The following SCO2 variants were observed in gnomAD, a reference collection of about 807,000 sequenced individuals.
SCO2 encodes the protein cytochrome c oxidase assembly factor SCO2.
For missense variants in SCO2, 429 were observed against 348.7 expected (o/e 1.23, Z -1.83); for synonymous variants, 195 against 148.6 (o/e 1.31, Z -2.27).
At chr22:50,526,366 G>T, upstream of SCO2, 1 of 1,543,572 alleles carries the variant, frequency 6.5e-7, no homozygotes, top group Admixed American at 1.9e-5. Context: ...TGCGCCGCCA[G>T]CATCCGCTCG....
At chr22:50,526,375 C>T, upstream of SCO2, 3 of 1,537,724 alleles carry the variant, frequency 2.0e-6, no homozygotes, top group Non-Finnish European at 2.6e-6. Flanking sequence ...AGCATCCGCT[C>T]GAAGCGGCCA....
In SCO2 at chr22:50,523,615, G is replaced by C; in HGVS notation, c.797C>G (p.Ser266Cys). Residue 266 changes from serine (S) to cysteine (C), a missense_variant, in exon 2 of 2, where the codon TCT becomes TGT. Physicochemically the swap from Ser to Cys is moderately radical, Grantham distance 112. Transcript: ENST00000395693. ...TGGGGCCCAGACTGCAGTGGCTCAAGACAGGACACTGCGGAAAGCCGCCAT... is the reference window on the plus strand; with the variant it reads ...TGGGGCCCAGACTGCAGTGGCTCAACACAGGACACTGCGGAAAGCCGCCAT... Reference protein sequence around the residue: ...RHMAAFRSVLS With the variant: ...RHMAAFRSVLC The C allele has an allele frequency of 1.9e-6, 3 of 1,613,286 alleles. No homozygotes were observed.
At chr22:50,526,048 C>T (rs1331363227), upstream of SCO2, 2 of 1,482,124 alleles carry the variant, frequency 1.3e-6, no homozygotes, top group Non-Finnish European at 8.9e-7. Flanking sequence ...TGCGCCCACC[C>T]CCAGGCGGAG....
chr22:50,523,844 C>T lies in SCO2; in HGVS notation c.568G>A (p.Gly190Ser). ...ACCTGTTTGGTGGAGCCGGTCAGAC[C>T]CAACAGTCTTGGGTGGAAGTCCTGG... ...YVQDFHPRLLGLTGSTKQVAQ... is the reference protein window; with the variant it reads ...YVQDFHPRLLSLTGSTKQVAQ... The change falls in exon 2 of 2, where the codon GGT becomes AGT. Residue 190 changes from glycine (G) to serine (S), a missense_variant. Coordinates refer to ENST00000395693, the MANE Select transcript of SCO2 (RefSeq NM_005138.3). 6.2e-7 allele frequency: 1 copy of T among 1,614,026 alleles called. No individual in the cohort carries two copies. Among genetic ancestry groups the T allele is most frequent in the Non-Finnish European group, 8.5e-7 (1 of 1,180,022 alleles).
chr22:50,524,475 G>T lies in SCO2; in HGVS notation c.-13-51C>A, dbSNP rs986790123. ...GCCAGAAGGGAAGGCCCAGGACAGT[G>T]CCTGGGCTGCCCCTGCGACTTGAGA... On this transcript the variant is annotated intron_variant, in intron 1 of 1. Transcript: ENST00000395693. 1.0e-5 allele frequency: 16 copies of T among 1,525,956 alleles called. No homozygotes were observed. The African/African-American group carries it at 1.9e-4, about 18-fold the overall frequency. The allele number at this position is 1,525,956 out of a possible 1,614,324, so 94.5% of individuals were successfully genotyped here.
Position 50,523,831 on chromosome 22 carries a change from G to A in SCO2, c.581C>T (p.Ser194Phe). 6.2e-7 allele frequency: 1 copy of A among 1,614,060 alleles called. No homozygotes were observed. The change falls in exon 2 of 2, where the codon TCC becomes TTC. Residue 194 changes from serine to phenylalanine, a missense_variant. Coordinates refer to ENST00000395693, the MANE Select transcript of SCO2 (RefSeq NM_005138.3). Reference protein sequence around the residue: ...FHPRLLGLTGSTKQVAQASHS... With the variant: ...FHPRLLGLTGFTKQVAQASHS... ...ACTAGCCTGGGCAACCTGTTTGGTG[G>A]AGCCGGTCAGACCCAACAGTCTTGG... is the stretch of plus-strand genomic sequence containing the variant.
chr22:50,526,167 C>A (rs1158667989), upstream of SCO2: 1 of 1,468,358 alleles, frequency 6.8e-7, no homozygotes, highest in South Asian at 1.3e-5. Context: ...CTGAGAGGCG[C>A]GGGCTCGGGA....
Position 50,525,555 on chromosome 22 carries a change from A to C in SCO2, c.-97T>G. On this transcript the variant is annotated 5_prime_UTR_variant, in exon 1 of 2. Transcript: ENST00000395693. ...TCCCTGCGCTCTGCCCCGCCGGCTC[A>C]GGGAAAGCGGGCGCCACACGCTCAC... 4.4e-6 allele frequency: 3 copies of C among 684,354 alleles called. No homozygotes were observed. The highest frequency in any genetic ancestry group is 2.9e-5 in the East Asian group (1 of 34,140). 42.4% of individuals were successfully genotyped at this position (684,354 alleles called of 1,614,324 possible). A position where few individuals can be genotyped will look rare whatever the true frequency, so the allele number is the denominator to read the frequency against.
chr22:50,526,069 G>C, upstream of SCO2: 1 of 1,484,064 alleles, frequency 6.7e-7, no homozygotes, highest in South Asian at 1.3e-5. Flanking sequence ...CGGCTCCCCA[G>C]CGCGGCTGCG....
Position 50,525,591 on chromosome 22 carries a change from C to G in SCO2, c.-133G>C. The stretch of plus-strand genomic sequence containing the variant: ...GCGCCACACGCTCACAGGCAGGGCG[C>G]AGGCGTCCCCGGAGCTGCGCATGCG... On this transcript the variant is annotated 5_prime_UTR_variant, in exon 1 of 2. Transcript: ENST00000395693. 2.1e-6 allele frequency: 2 copies of G among 943,276 alleles called. No individual in the cohort carries two copies. Among genetic ancestry groups the G allele is most frequent in the Non-Finnish European group, 1.6e-6 (1 of 619,332 alleles). 58.4% of individuals were successfully genotyped at this position (943,276 alleles called of 1,614,324 possible).
intron 1 of SCO2, 109 bp downstream of exon 1, chr22:50,525,363 C>G (rs2069299517): frequency 3.6e-6 from 1 of 280,148 alleles, no homozygotes; most frequent in Non-Finnish European, 6.9e-6. Flanking sequence ...CCAGCGCGCC[C>G]TGGGGTGTGC....
chr22:50,526,383 C>T (rs754574172), upstream of SCO2: 4 of 1,529,236 alleles, frequency 2.6e-6, no homozygotes, highest in Admixed American at 3.9e-5. Flanking sequence ...CTCGAAGCGG[C>T]CAAGGGCCGA....
At chr22:50,524,923 ACT>A (rs2069270356) in intron 1 of SCO2, 1 of 325,196 alleles carries the variant, frequency 3.1e-6, no homozygotes, top group South Asian at 2.4e-5. Flanking sequence ...CGGAGCTCAG[ACT>A]CTGCCCGCCG....
chr22:50,525,733 C>T (rs769729563), upstream of SCO2: 13 of 1,600,668 alleles, frequency 8.1e-6, no homozygotes, highest in Admixed American at 1.0e-4. Context: ...CTTCCGCTCC[C>T]GCCCAAGCAC....
chr22:50,523,836 G>C lies in SCO2; in HGVS notation c.576C>G (p.Thr192=), dbSNP rs201909075. Residue 192 remains threonine, a synonymous_variant, in exon 2 of 2, where the codon ACC becomes ACG. Transcript: ENST00000395693. ...CCTGGGCAACCTGTTTGGTGGAGCC[G>C]GTCAGACCCAACAGTCTTGGGTGGA... ...QDFHPRLLGL[T]GSTKQVAQAS... The C allele has an allele frequency of 1.2e-6, 2 of 1,613,918 alleles. No homozygotes were observed. The highest frequency in any genetic ancestry group is 1.7e-6 in the Non-Finnish European group (2 of 1,180,032).
In SCO2 at chr22:50,525,482, G is replaced by C. The variant is rs974493227; in HGVS notation, c.-24C>G. ...CCCCGGCGTCCGCACCTCGCGGCGGGGCCGCGCGTCAGTGGACCAAGCACG... is the reference window on the plus strand; with the variant it reads ...CCCCGGCGTCCGCACCTCGCGGCGGCGCCGCGCGTCAGTGGACCAAGCACG... On this transcript the variant is annotated 5_prime_UTR_variant, in exon 1 of 2. Coordinates refer to ENST00000395693, the MANE Select transcript of SCO2 (RefSeq NM_005138.3). The C allele has an allele frequency of 3.3e-5, 16 of 488,512 alleles. No individual in the cohort carries two copies. The highest frequency in any genetic ancestry group is 4.7e-5 in the Non-Finnish European group (13 of 275,410). 30.3% of individuals were successfully genotyped at this position (488,512 alleles called of 1,614,324 possible).
At chr22:50,526,205 G>C, upstream of SCO2, 1 of 1,492,448 alleles carries the variant, frequency 6.7e-7, no homozygotes, top group Non-Finnish European at 8.9e-7. Flanking sequence ...AAGGGAAGGG[G>C]ATGGCGGAGG....
rs1453267544 is a variant in SCO2, at chr22:50,525,567, C to T, written c.-109G>A. ...GCCCCGCCGGCTCAGGGAAAGCGGGCGCCACACGCTCACAGGCAGGGCGCA... is the reference window on the plus strand; with the variant it reads ...GCCCCGCCGGCTCAGGGAAAGCGGGTGCCACACGCTCACAGGCAGGGCGCA... On this transcript the variant is annotated 5_prime_UTR_variant, in exon 1 of 2. Coordinates refer to ENST00000395693, the MANE Select transcript of SCO2 (RefSeq NM_005138.3). 3.0e-5 allele frequency: 22 copies of T among 734,052 alleles called. No individual in the cohort carries two copies. Among genetic ancestry groups the T allele is most frequent in the South Asian group, 1.1e-4 (6 of 55,514 alleles). 45.5% of individuals were successfully genotyped at this position (734,052 alleles called of 1,614,324 possible).
upstream of SCO2, chr22:50,525,698 GC>G: frequency 6.4e-7 from 1 of 1,561,716 alleles, no homozygotes; most frequent in Non-Finnish European, 8.7e-7. Context: ...CATCGAGACG[GC>G]CCCCGCCTCC....
Sources: allele counts gnomAD v4.1 joint callset, GRCh38; gene constraint gnomAD v4.1.1; transcripts MANE v1.5; gene names NCBI Gene and HGNC (gene_info 2026-07-23, HGNC 2026-07-21).